The following COLEC10 variants were observed in gnomAD, a reference collection of about 807,000 sequenced individuals.
COLEC10 encodes the protein collectin subfamily member 10, also known as collectin-10.
Under a neutral mutation model 28.4 loss-of-function variants are expected in COLEC10, and 22 were observed. The ratio of observed to expected loss-of-function variants is 0.78; its 90% CI spans 0.55 to 1.11. The LOEUF (loss-of-function observed/expected upper bound fraction) is 1.11, where lower values mean the gene tolerates loss of function less well. Among genes scored for constraint, COLEC10 ranks in the 50% least tolerant of loss-of-function variants. The probability of loss-of-function intolerance (pLI) is 0.00; values close to 1 mark genes in which losing one functional copy is unlikely to be tolerated. For missense variants in COLEC10, 361 were observed against 344.1 expected, an observed-to-expected ratio of 1.05 and a Z score of -0.39; for synonymous variants, 125 against 116.1, an observed-to-expected ratio of 1.08 and a Z score of -0.49.
At chr8:119,097,254 G>GT (rs940641602) in intron 3 of COLEC10, among the ~76,000 whole-genome samples, 35 of 149,358 alleles carry the variant, frequency 2.3e-4, no homozygotes, top group Admixed American at 7.4e-4. Context: ...TTTTCTTTGT[G>GT]TTTTTTTTTC....
chr8:119,106,342 C>G lies in COLEC10; in HGVS notation c.*151C>G, dbSNP rs1049809929. 8.3e-6 allele frequency: 6 copies of G among 722,316 alleles called. No homozygotes were observed. The highest frequency in any genetic ancestry group is 1.3e-5 in the Non-Finnish European group (6 of 447,292). 44.7% of individuals were successfully genotyped at this position (722,316 alleles called of 1,614,324 possible). On this transcript the variant is annotated 3_prime_UTR_variant, in exon 6 of 6. Coordinates refer to ENST00000332843, the MANE Select transcript of COLEC10 (RefSeq NM_006438.5). ...GGTATGGAGCCTCCATCATCATGCT[C>G]TTTTGTGATGATTTTCATATTTTCA... is the stretch of plus-strand genomic sequence containing the variant.
At chr8:118,968,010 G>T in the COLEC10 span, among the ~76,000 whole-genome samples, 1 of 152,020 alleles carries the variant, frequency 6.6e-6, no homozygotes, top group Non-Finnish European at 1.5e-5. Context: ...GACATGACAA[G>T]AAAATGACAG....
intron 2 of COLEC10, among the ~76,000 whole-genome samples, chr8:119,015,212 G>C (rs1402206547): frequency 6.6e-6 from 1 of 150,906 alleles, no homozygotes; most frequent in Non-Finnish European, 1.5e-5. Context: ...TGATATGGTG[G>C]GGAGGTGAAG....
At chr8:119,094,956 T>G (rs1815680267) in intron 3 of COLEC10, among the ~76,000 whole-genome samples, 1 of 152,144 alleles carries the variant, frequency 6.6e-6, no homozygotes, top group Non-Finnish European at 1.5e-5. Context: ...AGCACAGCCC[T>G]CTATCAGCAA....
In COLEC10 at chr8:119,103,505, T is replaced by A. The variant is rs567850083; in HGVS notation, c.347-295T>A. Among the ~76,000 whole-genome samples, 471 of 152,102 alleles carry A rather than the reference T, an allele frequency of 3.1e-3. 5 individuals are homozygous for A. The highest frequency in any genetic ancestry group is 0.011 in the African/African-American group (450 of 41,534). On this transcript the variant is annotated intron_variant, in intron 4 of 5. Coordinates refer to ENST00000332843, the MANE Select transcript of COLEC10 (RefSeq NM_006438.5). Reference sequence around the variant, plus strand: ...CATTCTGTGTTCAACAAAAAAAAAATGCCAAATGGTCCAAAATGTGTATGC... The same window carrying A: ...CATTCTGTGTTCAACAAAAAAAAAAAGCCAAATGGTCCAAAATGTGTATGC...
At chr8:118,980,517 G>C in the COLEC10 span, among the ~76,000 whole-genome samples, 2 of 151,854 alleles carry the variant, frequency 1.3e-5, no homozygotes, top group South Asian at 2.1e-4. Flanking sequence ...TTAAGCTGTA[G>C]TCTTATTTTT....
chr8:119,102,228 CTCCCTCCCTCCCTCCT>C, intron 3 of COLEC10, 104 bp from the exon 4 acceptor site: 3 of 291,616 alleles, frequency 1.0e-5, no homozygotes, highest in Non-Finnish European at 1.3e-5. Flanking sequence ...CCCTCCCTCC[CTCCCTCCCTCCCTCCT>C]TCCTTCTTTT....
At chr8:118,983,521 C>CT in the COLEC10 span, among the ~76,000 whole-genome samples, 17 of 152,168 alleles carry the variant, frequency 1.1e-4, no homozygotes, top group South Asian at 3.5e-3. Flanking sequence ...AACTGTGTCC[C>CT]TTCAGAAGAC....
Position 119,105,896 on chromosome 8 carries a change from G to A in COLEC10, c.539G>A (p.Gly180Asp). Residue 180 changes from glycine (G) to aspartate (D), a missense_variant, in exon 6 of 6, where the codon GGT becomes GAT. Gly to Asp is a moderately conservative substitution (Grantham distance 94, BLOSUM62 -1). Coordinates refer to ENST00000332843, the MANE Select transcript of COLEC10 (RefSeq NM_006438.5). ...TCCCTAACCCACTGCAGGATTCGGGGTGGAATGCTAGCCATGCCCAAGGAT... is the reference window on the plus strand; with the variant it reads ...TCCCTAACCCACTGCAGGATTCGGGATGGAATGCTAGCCATGCCCAAGGAT... ...RESLTHCRIR[G>D]GMLAMPKDEA... 1 of 1,613,850 alleles carries A rather than the reference G, an allele frequency of 6.2e-7. No individual in the cohort carries two copies. The highest frequency in any genetic ancestry group is 1.1e-5 in the South Asian group (1 of 91,068).
At chr8:119,077,618 A>C (rs1815273645) in intron 1 of COLEC10, among the ~76,000 whole-genome samples, 1 of 152,188 alleles carries the variant, frequency 6.6e-6, no homozygotes, top group South Asian at 2.1e-4. Context: ...AGTGCAACAA[A>C]GTTATTGACT....
intron 2 of COLEC10, among the ~76,000 whole-genome samples, chr8:119,057,546 C>G (rs1814786359): frequency 6.6e-6 from 1 of 152,030 alleles, no homozygotes; most frequent in Non-Finnish European, 1.5e-5. Context: ...CTAATGACAA[C>G]TACTATTGTA....
At chr8:119,042,276 C>T (rs1259513065) in intron 2 of COLEC10, among the ~76,000 whole-genome samples, 1 of 152,046 alleles carries the variant, frequency 6.6e-6, no homozygotes. Context: ...GGGATTACAA[C>T]CATGAGCCAC....
intron 2 of COLEC10, among the ~76,000 whole-genome samples, chr8:119,049,711 G>T (rs985645254): frequency 2.4e-4 from 37 of 152,208 alleles, no homozygotes; most frequent in African/African-American, 8.9e-4. Flanking sequence ...ACCTCGCCTG[G>T]CTGGTATTTT....
upstream of COLEC10, among the ~76,000 whole-genome samples, chr8:118,991,570 C>T (rs75220620): frequency 5.7e-4 from 87 of 152,112 alleles, no homozygotes; most frequent in African/African-American, 2.0e-3. Flanking sequence ...AGTCTGGCTC[C>T]GAAACCCCTG....
chr8:119,101,658 T>C (rs1815829852), intron 3 of COLEC10, among the ~76,000 whole-genome samples: 1 of 152,196 alleles, frequency 6.6e-6, no homozygotes, highest in Non-Finnish European at 1.5e-5. Flanking sequence ...CTTCTAAAAA[T>C]TGTAAACTCC....
At chr8:119,065,255 C>T (rs1814931667), upstream of COLEC10, among the ~76,000 whole-genome samples, 1 of 152,144 alleles carries the variant, frequency 6.6e-6, no homozygotes, top group African/African-American at 2.4e-5. Flanking sequence ...TCTCTATTTA[C>T]AGCTGCCCCC....
intron 2 of COLEC10, among the ~76,000 whole-genome samples, chr8:119,014,513 G>T (rs1431215925): frequency 6.7e-6 from 1 of 150,172 alleles, no homozygotes; most frequent in Non-Finnish European, 1.5e-5. Context: ...TTTATTGTCT[G>T]AAGTTTGAAT....
chr8:119,016,376 A>G (rs530051040), intron 2 of COLEC10, among the ~76,000 whole-genome samples: 13 of 152,288 alleles, frequency 8.5e-5, no homozygotes, highest in African/African-American at 2.6e-4. Context: ...TTATGGCTGC[A>G]TAGCATTCCA....
intron 2 of COLEC10, among the ~76,000 whole-genome samples, chr8:119,060,187 AC>A (rs1192096963): frequency 6.6e-6 from 1 of 152,068 alleles, no homozygotes; most frequent in Non-Finnish European, 1.5e-5. Context: ...ATTTTTAAAA[AC>A]CCACAATGAC....
Sources: allele counts gnomAD v4.1 joint callset (sites outside exome capture counted in the v4.1 genomes callset), GRCh38; gene constraint gnomAD v4.1.1; transcripts MANE v1.5; gene names NCBI Gene and HGNC (gene_info 2026-07-23, HGNC 2026-07-21).